The following ZRANB3 variants were observed in gnomAD, a reference collection of about 807,000 sequenced individuals.
ZRANB3 encodes the protein zinc finger RANBP2-type containing 3.
Under a neutral mutation model 133.8 loss-of-function variants are expected in ZRANB3, and 125 were observed. The ratio of observed to expected loss-of-function variants is 0.93; its 90% CI spans 0.81 to 1.08. ZRANB3 has a LOEUF of 1.08. ZRANB3 is among the 50% of genes least tolerant of loss of function. The pLI, the probability that ZRANB3 is intolerant of heterozygous loss-of-function variation, is 0.00. For missense variants in ZRANB3, 1,229 were observed against 1,275.5 expected (o/e 0.96, Z 0.56); for synonymous variants, 387 against 432.7 (o/e 0.89, Z 1.31).
intron 6 of ZRANB3, among the ~76,000 whole-genome samples, chr2:135,328,304 G>A (rs2104843398): frequency 6.7e-6 from 1 of 148,632 alleles, no homozygotes; most frequent in African/African-American, 2.5e-5. Flanking sequence ...ATAAGAGTGA[G>A]AACATGTGGT....
At chr2:135,283,568 G>C (rs2104784121) in intron 8 of ZRANB3, among the ~76,000 whole-genome samples, 1 of 149,104 alleles carries the variant, frequency 6.7e-6, no homozygotes, top group African/African-American at 2.5e-5. Flanking sequence ...AGTGAACCAA[G>C]ATCATGCCAC....
intron 6 of ZRANB3, among the ~76,000 whole-genome samples, chr2:135,330,293 T>C (rs1331914711): frequency 6.6e-6 from 1 of 152,140 alleles, no homozygotes; most frequent in African/African-American, 2.4e-5. Flanking sequence ...GAAGGCCTTT[T>C]TGCATCTGTT....
intron 2 of ZRANB3, among the ~76,000 whole-genome samples, chr2:135,496,130 C>T (rs904019151): frequency 6.6e-6 from 1 of 152,012 alleles, no homozygotes; most frequent in African/African-American, 2.4e-5. Context: ...TGCCTGTAAT[C>T]CCACCACTTT....
At chr2:135,281,249 A>G (rs1044891355) in intron 8 of ZRANB3, among the ~76,000 whole-genome samples, 15 of 152,218 alleles carry the variant, frequency 9.9e-5, no homozygotes, top group Admixed American at 4.6e-4. Context: ...CTTGCAGCTA[A>G]GAGAGTGTGA....
At chr2:135,316,983 A>ATATATATAT (rs1553471634) in intron 6 of ZRANB3, among the ~76,000 whole-genome samples, 16 of 131,482 alleles carry the variant, frequency 1.2e-4, no homozygotes, top group African/African-American at 5.1e-4. Context: ...AAAAAAAAAA[A>ATATATATAT]ATATATATAT....
chr2:135,395,945 AAAG>A (rs1687469659), intron 2 of ZRANB3, among the ~76,000 whole-genome samples: 1 of 152,212 alleles, frequency 6.6e-6, no homozygotes, highest in Non-Finnish European at 1.5e-5. Flanking sequence ...TAACCAGAAT[AAAG>A]AAGAAGCTCA....
At chr2:135,319,072 G>T (rs576619779) in intron 6 of ZRANB3, among the ~76,000 whole-genome samples, 2 of 152,160 alleles carry the variant, frequency 1.3e-5, no homozygotes, top group African/African-American at 4.8e-5. Flanking sequence ...TGAGAAGAGG[G>T]GCAAGTGCCT....
chr2:135,424,552 G>A (rs563446571), intron 2 of ZRANB3, among the ~76,000 whole-genome samples: 3 of 152,272 alleles, frequency 2.0e-5, no homozygotes, highest in Admixed American at 6.5e-5. Flanking sequence ...GGCCGATATG[G>A]TGAAACCCTA....
intron 2 of ZRANB3, among the ~76,000 whole-genome samples, chr2:135,401,082 A>G (rs1251942049): frequency 6.6e-6 from 1 of 152,200 alleles, no homozygotes; most frequent in African/African-American, 2.4e-5. Context: ...CCTATATTAA[A>G]CACTTCTTAT....
chr2:135,426,948 A>C, intron 2 of ZRANB3, among the ~76,000 whole-genome samples: 1 of 140,402 alleles, frequency 7.1e-6, no homozygotes, highest in Middle Eastern at 3.7e-3. Flanking sequence ...ACATCAACGG[A>C]ACTAAAAACA....
intron 1 of ZRANB3, among the ~76,000 whole-genome samples, chr2:135,508,390 G>A (rs1304072412): frequency 6.6e-6 from 1 of 152,136 alleles, no homozygotes; most frequent in Admixed American, 6.5e-5. Flanking sequence ...GCCCGCCTCT[G>A]CCTCCCAAAG....
chr2:135,430,149 A>C, intron 2 of ZRANB3, among the ~76,000 whole-genome samples: 1 of 152,016 alleles, frequency 6.6e-6, no homozygotes, highest in East Asian at 1.9e-4. Context: ...GCGTTCCAGC[A>C]TGCGTGACAG....
At chr2:135,504,544 A>G in intron 1 of ZRANB3, 48 bp from the exon 2 acceptor site, 1 of 1,481,402 alleles carries the variant, frequency 6.8e-7, no homozygotes, top group Non-Finnish European at 9.1e-7. Context: ...AGAAATAGAT[A>G]TTACTAAGTA....
intron 1 of ZRANB3, among the ~76,000 whole-genome samples, chr2:135,520,062 C>CT (rs1693862702): frequency 6.7e-6 from 1 of 149,464 alleles, no homozygotes; most frequent in Admixed American, 6.7e-5. Context: ...TTCATTAAAT[C>CT]TTTTTTTTCC....
chr2:135,433,079 C>T (rs1689387422), intron 2 of ZRANB3, among the ~76,000 whole-genome samples: 1 of 149,806 alleles, frequency 6.7e-6, no homozygotes, highest in African/African-American at 2.5e-5. Context: ...TGGGCTGAAA[C>T]TCTGGCAGGT....
intron 2 of ZRANB3, among the ~76,000 whole-genome samples, chr2:135,487,878 T>G (rs2104802183): frequency 6.6e-6 from 1 of 152,346 alleles, no homozygotes; most frequent in East Asian, 1.9e-4. Flanking sequence ...GGAGTACATT[T>G]AATTTCCCTC....
At chr2:135,390,596 T>C (rs575833092) in intron 3 of ZRANB3, among the ~76,000 whole-genome samples, 19 of 152,062 alleles carry the variant, frequency 1.2e-4, no homozygotes, top group African/African-American at 1.7e-4. Flanking sequence ...ATGTATCAGA[T>C]GCATGTCTAG....
intron 8 of ZRANB3, among the ~76,000 whole-genome samples, chr2:135,284,511 G>A (rs904283398): frequency 3.3e-5 from 5 of 152,108 alleles, no homozygotes; most frequent in African/African-American, 1.2e-4. Context: ...TCGCTCTGTC[G>A]CCCAGGCTGG....
At chr2:135,423,150 T>C (rs2104971761) in intron 2 of ZRANB3, among the ~76,000 whole-genome samples, 1 of 152,250 alleles carries the variant, frequency 6.6e-6, no homozygotes, top group Non-Finnish European at 1.5e-5. Context: ...CTATCTCCCC[T>C]GGCCAGGCGC....
Sources: allele counts gnomAD v4.1 joint callset (sites outside exome capture counted in the v4.1 genomes callset), GRCh38; gene constraint gnomAD v4.1.1; transcripts MANE v1.5; gene names NCBI Gene and HGNC (gene_info 2026-07-23, HGNC 2026-07-21).